Variants in RGS7BP observed in about 807,000 individuals in gnomAD.
The protein encoded by RGS7BP is regulator of G protein signaling 7-binding protein.
In RGS7BP, 9 loss-of-function variants were observed where a neutral mutation model predicts 31.3. That is an observed-to-expected ratio of 0.29 (90% CI 0.17 to 0.50). The LOEUF is 0.50. Ranked by LOEUF, RGS7BP falls within the 20% of genes least tolerant of loss-of-function variation. The pLI is 0.98. For missense variants in RGS7BP, 274 were observed against 322.0 expected, an observed-to-expected ratio of 0.85 and a Z score of 1.14; for synonymous variants, 115 against 120.1, an observed-to-expected ratio of 0.96 and a Z score of 0.28.
chr5:64,583,720 T>A (rs768078395), intron 3 of RGS7BP, among the ~76,000 whole-genome samples: 11 of 152,224 alleles, frequency 7.2e-5, no homozygotes, highest in Non-Finnish European at 1.6e-4. Context: ...TGAACATTCG[T>A]ATTACCAATG....
chr5:64,557,441 C>A (rs1580428863), intron 2 of RGS7BP, among the ~76,000 whole-genome samples: 1 of 152,178 alleles, frequency 6.6e-6, no homozygotes, highest in East Asian at 1.9e-4. Context: ...CTCTTTGCAG[C>A]AGGTTCAGAC....
chr5:64,514,876 C>T (rs1748932118), intron 2 of RGS7BP, among the ~76,000 whole-genome samples: 1 of 152,190 alleles, frequency 6.6e-6, no homozygotes, highest in Non-Finnish European at 1.5e-5. Context: ...AGCAACTTGA[C>T]TAAATGTGAT....
At chr5:64,555,096 A>G (rs1741889395) in intron 2 of RGS7BP, among the ~76,000 whole-genome samples, 1 of 152,132 alleles carries the variant, frequency 6.6e-6, no homozygotes, top group Non-Finnish European at 1.5e-5. Context: ...GAACAGGAAA[A>G]TAGACAATGG....
At chr5:64,555,051 T>A (rs767241590) in intron 2 of RGS7BP, among the ~76,000 whole-genome samples, 1 of 151,936 alleles carries the variant, frequency 6.6e-6, no homozygotes, top group East Asian at 1.9e-4. Flanking sequence ...AAGACCAGAA[T>A]GAGAAGATCC....
At chr5:64,577,645 T>C (rs140756485) in intron 3 of RGS7BP, among the ~76,000 whole-genome samples, 4 of 152,288 alleles carry the variant, frequency 2.6e-5, no homozygotes, top group African/African-American at 7.2e-5. Flanking sequence ...GATTAGCTCC[T>C]TGATACTCCT....
At chr5:64,559,426 T>C (rs1561334525) in intron 2 of RGS7BP, among the ~76,000 whole-genome samples, 1 of 152,156 alleles carries the variant, frequency 6.6e-6, no homozygotes, top group East Asian at 1.9e-4. Flanking sequence ...CCCTATCAGG[T>C]TGCCTGCTTT....
intron 2 of RGS7BP, among the ~76,000 whole-genome samples, chr5:64,515,736 A>G (rs1230194235): frequency 3.3e-5 from 5 of 151,700 alleles, no homozygotes; most frequent in African/African-American, 1.2e-4. Context: ...ACACACACAT[A>G]TAATGCACAC....
At chr5:64,544,735 G>T (rs561769841) in intron 2 of RGS7BP, among the ~76,000 whole-genome samples, 6 of 152,200 alleles carry the variant, frequency 3.9e-5, no homozygotes, top group Non-Finnish European at 7.4e-5. Flanking sequence ...GTTGAAAAAA[G>T]TGTGATGACT....
chr5:64,554,465 AGC>A (rs1741875298), intron 2 of RGS7BP, among the ~76,000 whole-genome samples: 1 of 152,148 alleles, frequency 6.6e-6, no homozygotes, highest in Admixed American at 6.6e-5. Flanking sequence ...TTCTGATTCA[AGC>A]CAGGATTTTC....
At chr5:64,553,061 TC>T (rs935637823) in intron 2 of RGS7BP, among the ~76,000 whole-genome samples, 139 of 152,162 alleles carry the variant, frequency 9.1e-4, no homozygotes, top group African/African-American at 3.2e-3. Flanking sequence ...TTAATGAACC[TC>T]TAGTATTCTT....
intron 3 of RGS7BP, among the ~76,000 whole-genome samples, chr5:64,578,617 C>T (rs1033318566): frequency 2.0e-5 from 3 of 152,180 alleles, no homozygotes; most frequent in Admixed American, 6.5e-5. Context: ...CTTCCAAGCC[C>T]TTACCATGCC....
chr5:64,532,000 C>A (rs900759952), intron 2 of RGS7BP, among the ~76,000 whole-genome samples: 1 of 152,056 alleles, frequency 6.6e-6, no homozygotes, highest in African/African-American at 2.4e-5. Context: ...TATGTGCATA[C>A]AAGCACAAGT....
chr5:64,554,429 A>T (rs1184328419), intron 2 of RGS7BP, among the ~76,000 whole-genome samples: 2 of 152,146 alleles, frequency 1.3e-5, no homozygotes, highest in East Asian at 3.9e-4. Flanking sequence ...ATGCTCTTCA[A>T]ATCATCCATT....
rs1743460422 is a variant in RGS7BP, at chr5:64,609,891, G to T, written c.*639G>T. On this transcript the variant is annotated 3_prime_UTR_variant, in exon 6 of 6. Coordinates refer to ENST00000334025, the MANE Select transcript of RGS7BP (RefSeq NM_001029875.3). Reference sequence around the variant, plus strand: ...CACATATGAAAAGTACTAAAATTTTGTAAATACACAATAATCCTAATACCT... The same window carrying T: ...CACATATGAAAAGTACTAAAATTTTTTAAATACACAATAATCCTAATACCT... 1 of 152,390 alleles carries T rather than the reference G, an allele frequency of 6.6e-6. No individual in the cohort carries two copies. The highest frequency in any genetic ancestry group is 1.5e-5 in the Non-Finnish European group (1 of 67,954). 9.4% of individuals were successfully genotyped at this position (152,390 alleles called of 1,614,324 possible).
At chr5:64,594,648 A>G in intron 3 of RGS7BP, 62 bp from the exon 4 acceptor site, 2 of 1,564,278 alleles carry the variant, frequency 1.3e-6, no homozygotes, top group South Asian at 1.1e-5. Context: ...CATCCTGCAT[A>G]TAGAACCTGC....
Position 64,594,798 on chromosome 5 carries a change from C to T in RGS7BP, c.552C>T (p.Ser184=). ...CTGCCCTAGAAGACTCCTCATCATC[C>T]CCCGTAGATAGTCAGCAACATTCCT... ...ETPALEDSSS[S]PVDSQQHSWQ... The change falls in exon 4 of 6, where the codon TCC becomes TCT. Residue 184 remains serine, a synonymous_variant. Transcript: ENST00000334025. 6.2e-7 allele frequency: 1 copy of T among 1,613,718 alleles called. No individual in the cohort carries two copies. Among genetic ancestry groups the T allele is most frequent in the Non-Finnish European group, 8.5e-7 (1 of 1,179,770 alleles).
chr5:64,582,691 AT>A (rs1742634706), intron 3 of RGS7BP, among the ~76,000 whole-genome samples: 1 of 152,252 alleles, frequency 6.6e-6, no homozygotes, highest in African/African-American at 2.4e-5. Context: ...AAAAATCTTA[AT>A]TCAGAATCTG....
At chr5:64,518,067 C>A (rs1749019293) in intron 2 of RGS7BP, among the ~76,000 whole-genome samples, 2 of 152,088 alleles carry the variant, frequency 1.3e-5, no homozygotes, top group Non-Finnish European at 2.9e-5. Flanking sequence ...GCAACATGAT[C>A]TATGGTCAAG....
intron 2 of RGS7BP, among the ~76,000 whole-genome samples, chr5:64,536,601 G>A (rs1179132710): frequency 1.3e-5 from 2 of 152,152 alleles, no homozygotes. Context: ...CTACATTTCA[G>A]GTGCTAAAGG....
Sources: allele counts gnomAD v4.1 joint callset (sites outside exome capture counted in the v4.1 genomes callset), GRCh38; gene constraint gnomAD v4.1.1; transcripts MANE v1.5; gene names NCBI Gene and HGNC (gene_info 2026-07-23, HGNC 2026-07-21).